The following MAP2K2 variants were observed in gnomAD, a reference collection of about 807,000 sequenced individuals.
MAP2K2 encodes dual specificity mitogen-activated protein kinase kinase 2.
In MAP2K2, 24 loss-of-function variants were observed where a neutral mutation model predicts 43.7. The ratio of observed to expected loss-of-function variants is 0.55; its 90% CI spans 0.40 to 0.77. MAP2K2 has a LOEUF of 0.77. MAP2K2 is among the 30% of genes least tolerant of loss of function. The pLI is 0.00. For synonymous variants in MAP2K2, 244 were observed against 239.7 expected (o/e 1.02, Z -0.17); for missense variants, 470 against 566.8 (o/e 0.83, Z 1.73).
chr19:4,102,461 G>A lies in MAP2K2; in HGVS notation c.451-8C>T. ...GTCCAGGGAGCCGCCGTCCTAGAGG[G>A]CACACAAGGAGTGAGTGCAGGCTCT... On this transcript the variant is annotated splice_region_variant and splice_polypyrimidine_tract_variant and intron_variant, in intron 3 of 10. Coordinates refer to ENST00000262948, the MANE Select transcript of MAP2K2 (RefSeq NM_030662.4). 1 of 1,591,584 alleles carries A rather than the reference G, an allele frequency of 6.3e-7. No individual in the cohort carries two copies. Among genetic ancestry groups the A allele is most frequent in the Non-Finnish European group, 8.6e-7 (1 of 1,168,998 alleles).
At chr19:4,109,246 C>T (rs2145067715) in intron 3 of MAP2K2, among the ~76,000 whole-genome samples, 1 of 152,212 alleles carries the variant, frequency 6.6e-6, no homozygotes, top group Middle Eastern at 3.4e-3. Flanking sequence ...TTTTGTTCCA[C>T]CCAATCTCAC....
chr19:4,102,540 G>C, intron 3 of MAP2K2, 87 bp from the exon 4 acceptor site: 3 of 1,095,094 alleles, frequency 2.7e-6, no homozygotes, highest in Non-Finnish European at 4.0e-6. Context: ...GCGAGGGGGT[G>C]GTCTGCCTCC....
chr19:4,090,777 GC>G, intron 10 of MAP2K2, 69 bp from the exon 11 acceptor site: 1 of 1,044,228 alleles, frequency 9.6e-7, no homozygotes, highest in Non-Finnish European at 1.5e-6. Flanking sequence ...GCCAGCGTCT[GC>G]CCAGCCCTGG....
chr19:4,109,831 C>A (rs2041132087), intron 3 of MAP2K2, among the ~76,000 whole-genome samples: 1 of 152,108 alleles, frequency 6.6e-6, no homozygotes, highest in South Asian at 2.1e-4. Flanking sequence ...TTCCCTCACA[C>A]AGCTTACCTC....
In MAP2K2 at chr19:4,095,552, C is replaced by T. The variant is rs772288112; in HGVS notation, c.985-103G>A. 45 of 935,952 alleles carry T rather than the reference C, an allele frequency of 4.8e-5. No homozygotes were observed. In the Middle Eastern group the frequency reaches 1.7e-3, roughly 36 times the overall value. 58.0% of individuals were successfully genotyped at this position (935,952 alleles called of 1,614,324 possible). On this transcript the variant is annotated intron_variant, in intron 8 of 10. Coordinates refer to ENST00000262948, the MANE Select transcript of MAP2K2 (RefSeq NM_030662.4). Reference sequence around the variant, plus strand: ...CTGTCCTGTCCGGTCACCCACCCTGCAGGCCTGGCCGACACCACATGCCAA... The same window carrying T: ...CTGTCCTGTCCGGTCACCCACCCTGTAGGCCTGGCCGACACCACATGCCAA...
At chr19:4,095,859 C>T (rs994978513) in intron 8 of MAP2K2, among the ~76,000 whole-genome samples, 1 of 152,228 alleles carries the variant, frequency 6.6e-6, no homozygotes, top group African/African-American at 2.4e-5. Flanking sequence ...ACTGCAGCCT[C>T]CACCTCCGGG....
chr19:4,103,840 C>A (rs982341359), intron 3 of MAP2K2, among the ~76,000 whole-genome samples: 1 of 152,234 alleles, frequency 6.6e-6, no homozygotes, highest in Non-Finnish European at 1.5e-5. Flanking sequence ...GGTGAGAGGG[C>A]AGGTATGGCC....
At chr19:4,105,837 A>T (rs1005826219) in intron 3 of MAP2K2, among the ~76,000 whole-genome samples, 1 of 151,154 alleles carries the variant, frequency 6.6e-6, no homozygotes, top group African/African-American at 2.4e-5. Context: ...ATGTCCTGCT[A>T]ATTTTTTGTA....
intron 2 of MAP2K2, 139 bp downstream of exon 2, chr19:4,117,280 T>C: frequency 2.4e-6 from 2 of 832,970 alleles, no homozygotes; most frequent in South Asian, 3.2e-5. Context: ...TCTCAGGACC[T>C]AGAGTCCCTG....
intron 1 of MAP2K2, among the ~76,000 whole-genome samples, chr19:4,118,452 GT>G (rs2041255139): frequency 6.6e-6 from 1 of 152,168 alleles, no homozygotes; most frequent in Non-Finnish European, 1.5e-5. Flanking sequence ...GGTGGTGCAC[GT>G]TTGCAGTCCC....
Position 4,098,956 on chromosome 19 carries a change from G to T in MAP2K2, c.919+245C>A, listed in dbSNP as rs1002735997. ...GCTTGGTGGCAAAGCTGCGCTCCCA[G>T]ATCCCTCCAGCTGGCAACAACAGGT... On this transcript the variant is annotated intron_variant, in intron 7 of 10. Transcript: ENST00000262948. Among the ~76,000 whole-genome samples, 6 of 152,248 alleles carry T rather than the reference G, an allele frequency of 3.9e-5. 1 individual carries two copies. The highest frequency in any genetic ancestry group is 7.3e-5 in the Non-Finnish European group (5 of 68,038).
intron 2 of MAP2K2, 42 bp from the exon 3 acceptor site, chr19:4,110,697 A>G (rs2145070622): frequency 1.9e-6 from 3 of 1,595,990 alleles, no homozygotes; most frequent in South Asian, 1.1e-5. Context: ...GGGGTGCCCG[A>G]AAACGGGATG....
At chr19:4,117,344 C>A in intron 2 of MAP2K2, 75 bp downstream of exon 2, 1 of 1,426,444 alleles carries the variant, frequency 7.0e-7, no homozygotes, top group Non-Finnish European at 9.7e-7. Flanking sequence ...ACCCGGCTGC[C>A]TTCCCAACCT....
intron 2 of MAP2K2, among the ~76,000 whole-genome samples, chr19:4,113,641 G>A (rs534771786): frequency 6.6e-6 from 1 of 152,350 alleles, no homozygotes; most frequent in African/African-American, 2.4e-5. Flanking sequence ...CACAGCCCAG[G>A]CCGTGCCAGC....
intron 3 of MAP2K2, 196 bp from the exon 4 acceptor site, chr19:4,102,649 G>C (rs58488067): frequency 1.0e-6 from 1 of 952,766 alleles, no homozygotes; most frequent in East Asian, 2.7e-5. Context: ...CACCCACAAG[G>C]TGGGGAAGGA....
chr19:4,112,445 G>T (rs1008450097), intron 2 of MAP2K2, among the ~76,000 whole-genome samples: 1 of 152,218 alleles, frequency 6.6e-6, no homozygotes, highest in African/African-American at 2.4e-5. Context: ...GCCTGTCAGC[G>T]GGCACGGAGG....
At chr19:4,092,678 A>G (rs1027863742) in intron 10 of MAP2K2, among the ~76,000 whole-genome samples, 2 of 152,144 alleles carry the variant, frequency 1.3e-5, no homozygotes, top group African/African-American at 4.8e-5. Context: ...CATGTTGCCC[A>G]GGCTGGCCTT....
chr19:4,111,830 G>GT (rs778127277), intron 2 of MAP2K2, among the ~76,000 whole-genome samples: 25 of 152,146 alleles, frequency 1.6e-4, no homozygotes, highest in Non-Finnish European at 3.4e-4. Context: ...GCAGGCGCCT[G>GT]TAATCCCAGC....
At chr19:4,108,642 C>T (rs1000084852) in intron 3 of MAP2K2, among the ~76,000 whole-genome samples, 1 of 152,100 alleles carries the variant, frequency 6.6e-6, no homozygotes, top group East Asian at 1.9e-4. Context: ...GTGGTGTCCC[C>T]TGGGGTGCCA....
Sources: gnomAD v4.1 joint callset for allele counts (sites outside exome capture counted in the v4.1 genomes callset) on GRCh38, gnomAD v4.1.1 for gene constraint, MANE v1.5 for transcripts, NCBI Gene and HGNC (gene_info 2026-07-23, HGNC 2026-07-21) for gene names.